TXNRD1: variants seen among roughly 807,000 people sequenced by gnomAD.
TXNRD1 encodes the protein thioredoxin reductase 1, cytoplasmic.
A neutral mutation model predicts 80.3 loss-of-function variants in TXNRD1; 57 were observed. The observed-to-expected ratio is 0.71, with a 90% confidence interval of 0.57 to 0.89. The LOEUF (loss-of-function observed/expected upper bound fraction) is 0.89, where lower values mean the gene tolerates loss of function less well. TXNRD1 is among the 40% of genes least tolerant of loss of function. The pLI is 0.00. For missense variants in TXNRD1, 730 were observed against 803.0 expected (o/e 0.91, Z 1.10); for synonymous variants, 291 against 285.2 (o/e 1.02, Z -0.20).
At position 104,326,406 on chromosome 12, in the gene TXNRD1, G is replaced by A. The variant is rs1195849748; in HGVS notation, c.1368G>A (p.Gly456=). The A allele has an allele frequency of 6.3e-7, 1 of 1,580,010 alleles. No individual in the cohort carries two copies. Among genetic ancestry groups the A allele is most frequent in the East Asian group, 2.3e-5 (1 of 44,158 alleles). The part of the protein sequence containing the change: ...CTRKIGLETV[G]VKINEKTGKI... ...GAAAAATTGGCTTAGAAACCGTAGG[G>A]GTGAAGATAAATGAAAAGTAAGAAA... Residue 456 remains glycine (G), a synonymous_variant, in exon 12 of 17, where the codon GGG becomes GGA. Transcript: ENST00000525566.
rs752399449 is a variant in TXNRD1 at position 104,311,340 on chromosome 12, A to C, written c.465A>C (p.Glu155Asp). 6.2e-7 allele frequency: 1 copy of C among 1,612,568 alleles called. No individual in the cohort carries two copies. The highest frequency in any genetic ancestry group is 8.5e-7 in the Non-Finnish European group (1 of 1,179,312). The part of the protein sequence containing the change: ...LQKLLKMNGP[E>D]DLPKSYDYDL... ...AGCTACTAAAAATGAACGGCCCTGA[A>C]GATCTTCCCAAGTCCTATGACTATG... The change falls in exon 5 of 17, where the codon GAA becomes GAC. Residue 155 changes from glutamate to aspartate, a missense_variant. Glu to Asp is a conservative substitution (Grantham distance 45). Coordinates refer to ENST00000525566, the MANE Select transcript of TXNRD1 (RefSeq NM_001093771.3).
At chr12:104,337,702 A>C (rs1168731138) in intron 15 of TXNRD1, among the ~76,000 whole-genome samples, 8 of 151,986 alleles carry the variant, frequency 5.3e-5, no homozygotes, top group Admixed American at 5.2e-4. Context: ...ATTAAAAACA[A>C]AACAAAACAA....
chr12:104,284,876 A>G (rs73396427), intron 3 of TXNRD1, among the ~76,000 whole-genome samples: 4,955 of 152,272 alleles, frequency 0.033, 300 homozygotes, highest in African/African-American at 0.11. Context: ...AAAACATTTT[A>G]TGTTTATGAT....
At position 104,315,886 on chromosome 12, in the gene TXNRD1, C is replaced by G. The variant is rs780767105; in HGVS notation, c.720C>G (p.Val240=). Residue 240 remains valine (V), a synonymous_variant, in exon 7 of 17, where the codon GTC becomes GTG. Coordinates refer to ENST00000525566, the MANE Select transcript of TXNRD1 (RefSeq NM_001093771.3). The stretch of plus-strand genomic sequence containing the variant: ...ACTCTCGAAATTATGGATGGAAAGT[C>G]GAGGAGACAGGTATGAGAGGGAAAA... ...LQDSRNYGWK[V]EETVKHDWDR... The G allele has an allele frequency of 5.0e-6, 8 of 1,609,916 alleles. No individual in the cohort carries two copies. Among genetic ancestry groups the G allele is most frequent in the Non-Finnish European group, 6.8e-6 (8 of 1,177,578 alleles).
At chr12:104,256,678 C>T (rs1290436596) in intron 2 of TXNRD1, among the ~76,000 whole-genome samples, 1 of 150,264 alleles carries the variant, frequency 6.7e-6, no homozygotes, top group Non-Finnish European at 1.5e-5. Flanking sequence ...AATTGGGTGG[C>T]TGAGGCAGGA....
intron 1 of TXNRD1, among the ~76,000 whole-genome samples, chr12:104,232,001 A>G (rs7979495): frequency 0.078 from 11,928 of 152,280 alleles, 535 homozygotes; most frequent in Middle Eastern, 0.13. Flanking sequence ...GGTAAAAACA[A>G]ATTATTATAG....
chr12:104,314,738 C>CTTTTTTTTTTTTTTTTTTTTTTTTT (rs11330431), intron 6 of TXNRD1, among the ~76,000 whole-genome samples: 1 of 103,666 alleles, frequency 9.6e-6, no homozygotes, highest in African/African-American at 4.1e-5. Context: ...AAATTTTTTT[C>CTTTTTTTTTTTTTTTTTTTTTTTTT]TTTTTTTTTT....
chr12:104,332,023 A>G (rs1043035885), intron 14 of TXNRD1, among the ~76,000 whole-genome samples: 2 of 152,034 alleles, frequency 1.3e-5, no homozygotes, highest in Non-Finnish European at 2.9e-5. Context: ...AGTTGACCCA[A>G]TCGTATTTCC....
chr12:104,245,407 C>T (rs1236886867), intron 1 of TXNRD1, among the ~76,000 whole-genome samples: 1 of 145,616 alleles, frequency 6.9e-6, no homozygotes, highest in Non-Finnish European at 1.5e-5. Flanking sequence ...ATCCCAGCTA[C>T]TCAGGAGGCT....
intron 10 of TXNRD1, 26 bp downstream of exon 10, chr12:104,321,342 T>C (rs1337618054): frequency 6.3e-7 from 1 of 1,587,112 alleles, no homozygotes; most frequent in Non-Finnish European, 8.7e-7. Context: ...TGTAGGTTTC[T>C]TGATTCTACA....
chr12:104,288,180 A>G (rs1200494116), intron 3 of TXNRD1, among the ~76,000 whole-genome samples: 1 of 152,100 alleles, frequency 6.6e-6, no homozygotes, highest in Non-Finnish European at 1.5e-5. Context: ...TAGTAGAGAC[A>G]GGGTTTCACC....
intron 4 of TXNRD1, among the ~76,000 whole-genome samples, chr12:104,307,990 C>T (rs1364190995): frequency 4.0e-5 from 6 of 150,018 alleles, no homozygotes; most frequent in African/African-American, 1.5e-4. Context: ...GCTGTTTGCC[C>T]TTTTCTTTCT....
At chr12:104,250,821 A>AAG (rs1362878218) in intron 1 of TXNRD1, among the ~76,000 whole-genome samples, 1 of 152,128 alleles carries the variant, frequency 6.6e-6, no homozygotes, top group African/African-American at 2.4e-5. Context: ...GGCCCTGAAG[A>AAG]AGATGGATAG....
At chr12:104,254,651 A>ATATATATATATATG (rs1165842775) in intron 2 of TXNRD1, among the ~76,000 whole-genome samples, 1 of 125,242 alleles carries the variant, frequency 8.0e-6, no homozygotes, top group African/African-American at 3.2e-5. Context: ...AAAAATATAT[A>ATATATATATATATG]TATATATATA....
At chr12:104,286,980 T>G in intron 3 of TXNRD1, 1 of 1,264,658 alleles carries the variant, frequency 7.9e-7, no homozygotes, top group Non-Finnish European at 1.0e-6. Context: ...GCGCAGGGCG[T>G]GGCTTCTCGT....
At chr12:104,224,743 C>A in intron 1 of TXNRD1, 2 of 437,884 alleles carry the variant, frequency 4.6e-6, no homozygotes, top group Non-Finnish European at 9.2e-6. Flanking sequence ...AGTAGATGCT[C>A]GGTAAATGTT....
chr12:104,347,470 A>G (rs2036531439), intron 16 of TXNRD1, among the ~76,000 whole-genome samples: 1 of 152,204 alleles, frequency 6.6e-6, no homozygotes, highest in African/African-American at 2.4e-5. Context: ...AATGTTTGCA[A>G]GGATATGAAA....
At chr12:104,253,277 C>T (rs1350441984) in intron 2 of TXNRD1, among the ~76,000 whole-genome samples, 1 of 152,104 alleles carries the variant, frequency 6.6e-6, no homozygotes, top group Admixed American at 6.6e-5. Flanking sequence ...CCTTGTGTCT[C>T]TCCTGAACAC....
intron 1 of TXNRD1, among the ~76,000 whole-genome samples, chr12:104,245,835 C>G (rs1357665914): frequency 6.6e-6 from 1 of 152,020 alleles, no homozygotes; most frequent in Non-Finnish European, 1.5e-5. Context: ...CGGGGCCGGG[C>G]GCGGTGGCTC....
Sources: allele counts gnomAD v4.1 joint callset (sites outside exome capture counted in the v4.1 genomes callset), GRCh38; gene constraint gnomAD v4.1.1; transcripts MANE v1.5; gene names NCBI Gene and HGNC (gene_info 2026-07-23, HGNC 2026-07-21).